Variants in CLEC17A observed in about 807,000 individuals in gnomAD.
The protein encoded by CLEC17A is C-type lectin domain containing 17A.
In CLEC17A, 37 loss-of-function variants were observed where a neutral mutation model predicts 61.3. The ratio of observed to expected loss-of-function variants is 0.60; its 90% CI spans 0.46 to 0.79. The LOEUF (loss-of-function observed/expected upper bound fraction) is 0.79, where lower values mean the gene tolerates loss of function less well. Among genes scored for constraint, CLEC17A ranks in the 30% least tolerant of loss-of-function variants. CLEC17A has a pLI of 0.00. For synonymous variants in CLEC17A, 168 were observed against 164.9 expected, an observed-to-expected ratio of 1.02 and a Z score of -0.14; for missense variants, 418 against 464.7, an observed-to-expected ratio of 0.90 and a Z score of 0.92.
In CLEC17A at chr19:14,594,695, A is replaced by G. The variant is rs370861432; in HGVS notation, c.361+13A>G. 10 of 1,613,836 alleles carry G rather than the reference A, an allele frequency of 6.2e-6. No individual in the cohort carries two copies. The African/African-American group carries it at 9.3e-5, about 15-fold the overall frequency. On this transcript the variant is annotated intron_variant, in intron 6 of 13. Transcript: ENST00000417570. ...CGGAACATGACAGGTGAGAGCTGAC[A>G]GTTGGAGTCTTCCTGCTCACCTGGC...
intron 7 of CLEC17A, 104 bp downstream of exon 7, chr19:14,594,904 C>T (rs2074506537): frequency 1.7e-6 from 2 of 1,158,892 alleles, no homozygotes. Context: ...GACAGAGTCT[C>T]ACTGTCATCC....
intron 2 of CLEC17A, among the ~76,000 whole-genome samples, chr19:14,587,290 C>T (rs1051619144): frequency 1.3e-5 from 2 of 149,522 alleles, no homozygotes; most frequent in Non-Finnish European, 3.0e-5. Context: ...CTGGGGGCTT[C>T]CCCCCAAGAT....
intron 4 of CLEC17A, among the ~76,000 whole-genome samples, chr19:14,593,701 C>T (rs1032047853): frequency 2.6e-5 from 4 of 151,938 alleles, no homozygotes; most frequent in Non-Finnish European, 4.4e-5. Flanking sequence ...TGGCTCACGC[C>T]TGTAATCCCA....
In CLEC17A at chr19:14,610,375, G is replaced by A; in HGVS notation, c.*179G>A. 1 of 819,220 alleles carries A rather than the reference G, an allele frequency of 1.2e-6. No homozygotes were observed. 50.7% of individuals were successfully genotyped at this position (819,220 alleles called of 1,614,324 possible). A position where few individuals can be genotyped will look rare whatever the true frequency, so the allele number is the denominator to read the frequency against. Reference sequence around the variant, plus strand: ...GCAAGTCAGGCTGTTTCTAGAGTGAGGACTTGGGCTTGCCCTAGTAGATGG... The same window carrying A: ...GCAAGTCAGGCTGTTTCTAGAGTGAAGACTTGGGCTTGCCCTAGTAGATGG... On this transcript the variant is annotated 3_prime_UTR_variant, in exon 14 of 14. Coordinates refer to ENST00000417570, the MANE Select transcript of CLEC17A (RefSeq NM_001204118.2).
chr19:14,608,628 ATTT>A (rs71166765), intron 13 of CLEC17A, among the ~76,000 whole-genome samples: 186 of 119,716 alleles, frequency 1.6e-3, no homozygotes, highest in African/African-American at 5.2e-3. Flanking sequence ...ATGAGGAAGA[ATTT>A]TTTTTTTTTT....
chr19:14,588,205 G>T (rs2074332038), intron 3 of CLEC17A, among the ~76,000 whole-genome samples: 1 of 151,810 alleles, frequency 6.6e-6, no homozygotes, highest in South Asian at 2.1e-4. Flanking sequence ...GTGGAGGTTT[G>T]GGCCAGCTGC....
intron 12 of CLEC17A, 29 bp from the exon 13 acceptor site, chr19:14,606,964 G>T: frequency 8.4e-7 from 1 of 1,191,978 alleles, no homozygotes; most frequent in Non-Finnish European, 1.1e-6. Context: ...GTAGAGGAAT[G>T]GCTGGCTGAA....
intron 2 of CLEC17A, among the ~76,000 whole-genome samples, chr19:14,586,000 G>A (rs1267228347): frequency 6.6e-6 from 1 of 151,974 alleles, no homozygotes; most frequent in Non-Finnish European, 1.5e-5. Context: ...CTTCCAGGAG[G>A]TACTTCCTGA....
At chr19:14,592,415 AGGCATTGGCTG>A in intron 4 of CLEC17A, 57 bp downstream of exon 4, 1 of 1,606,228 alleles carries the variant, frequency 6.2e-7, no homozygotes, top group Non-Finnish European at 8.5e-7. Flanking sequence ...GGTTTCCAGG[AGGCATTGGCTG>A]GGCATTGTAG....
upstream of CLEC17A, among the ~76,000 whole-genome samples, chr19:14,581,948 G>A (rs942148080): frequency 4.6e-5 from 7 of 150,780 alleles, no homozygotes; most frequent in African/African-American, 1.7e-4. Context: ...CACTGCACCC[G>A]GCCAGATTAT....
chr19:14,596,785 G>GC, intron 8 of CLEC17A, 91 bp from the exon 9 acceptor site: 1 of 1,436,190 alleles, frequency 7.0e-7, no homozygotes, highest in Non-Finnish European at 9.4e-7. Context: ...ACAGACTTCT[G>GC]CCCCCTGCTC....
upstream of CLEC17A, among the ~76,000 whole-genome samples, chr19:14,581,054 C>A (rs1303101140): frequency 1.3e-5 from 2 of 152,144 alleles, no homozygotes; most frequent in East Asian, 3.8e-4. Flanking sequence ...TTATACTGAG[C>A]CTGTCAGGTA....
At position 14,599,623 on chromosome 19, in the gene CLEC17A, AC is replaced by A. The variant is rs555324033; in HGVS notation, c.647-91del. 58 of 880,054 alleles carry A rather than the reference AC, an allele frequency of 6.6e-5. No individual in the cohort carries two copies. In the East Asian group the frequency reaches 1.3e-3, roughly 20 times the overall value. The allele number at this position is 880,054 out of a possible 1,614,324, so 54.5% of individuals were successfully genotyped here. On this transcript the variant is annotated intron_variant, in intron 10 of 13. Transcript: ENST00000417570. ...GAATGTGGACACAGTGGGGAACACA[AC>A]CCTTGCTTCTCTCTCTGATGTGTCT...
chr19:14,604,772 A>AT (rs921717083), intron 12 of CLEC17A, among the ~76,000 whole-genome samples: 12 of 151,250 alleles, frequency 7.9e-5, no homozygotes, highest in East Asian at 5.8e-4. Flanking sequence ...CAAAAAAAAA[A>AT]TTTTTTTTTT....
chr19:14,587,795 C>G (rs2074321044), intron 3 of CLEC17A, 104 bp downstream of exon 3: 1 of 1,552,930 alleles, frequency 6.4e-7, no homozygotes, highest in Non-Finnish European at 8.7e-7. Context: ...CCTCTCTACA[C>G]AGCCCATGCC....
chr19:14,602,438 G>A (rs536001893), intron 12 of CLEC17A, among the ~76,000 whole-genome samples: 2 of 152,200 alleles, frequency 1.3e-5, no homozygotes, highest in African/African-American at 4.8e-5. Context: ...GACAACAGGT[G>A]TGTGCCACCA....
intron 3 of CLEC17A, among the ~76,000 whole-genome samples, chr19:14,591,909 T>C (rs1208191805): frequency 7.1e-6 from 1 of 140,262 alleles, no homozygotes; most frequent in Non-Finnish European, 1.6e-5. Flanking sequence ...TGTGTGTGTG[T>C]GTGTGTGTGT....
chr19:14,604,578 C>T (rs1040198681), intron 12 of CLEC17A, among the ~76,000 whole-genome samples: 1 of 152,068 alleles, frequency 6.6e-6, no homozygotes, highest in Non-Finnish European at 1.5e-5. Context: ...GCCTGGCCAA[C>T]ATGGTGAAAC....
intron 3 of CLEC17A, among the ~76,000 whole-genome samples, chr19:14,590,241 C>G (rs551992856): frequency 5.9e-4 from 89 of 151,820 alleles, no homozygotes; most frequent in Non-Finnish European, 1.1e-3. Flanking sequence ...CATCTTGTTA[C>G]AAATGTTACC....
Sources: gnomAD v4.1 joint callset for allele counts (sites outside exome capture counted in the v4.1 genomes callset) on GRCh38, gnomAD v4.1.1 for gene constraint, MANE v1.5 for transcripts, NCBI Gene and HGNC (gene_info 2026-07-23, HGNC 2026-07-21) for gene names.